UBE3A: variants seen among roughly 807,000 people sequenced by gnomAD.
The protein encoded by UBE3A is ubiquitin protein ligase E3A, also known as ubiquitin-protein ligase E3A.
In UBE3A, 6 loss-of-function variants were observed where a neutral mutation model predicts 83.4. The ratio of observed to expected loss-of-function variants is 0.07; its 90% CI spans 0.04 to 0.14. UBE3A has a LOEUF of 0.14. Ranked by LOEUF, UBE3A falls within the 10% of genes least tolerant of loss-of-function variation. The pLI is 1.00. For synonymous variants in UBE3A, 337 were observed against 355.4 expected (o/e 0.95, Z 0.58); for missense variants, 456 against 1,036.1 (o/e 0.44, Z 7.69).
intron 1 of UBE3A, among the ~76,000 whole-genome samples, chr15:25,431,083 C>T (rs1893314324): frequency 6.6e-6 from 1 of 152,194 alleles, no homozygotes; most frequent in South Asian, 2.1e-4. Context: ...TAATACACTA[C>T]ACTTAAGTGT....
In UBE3A at chr15:25,409,136, G is replaced by A; in HGVS notation, c.-29C>T. ...GTGACATCAGGGTGATCACAGCTTT[G>A]AGTCACTGATTAAAAACAGGTTGTC... On this transcript the variant is annotated 5_prime_UTR_variant, in exon 3 of 13. Coordinates refer to ENST00000648336, the MANE Select transcript of UBE3A (RefSeq NM_130839.5). 6.3e-7 allele frequency: 1 copy of A among 1,593,328 alleles called. No homozygotes were observed.
intron 6 of UBE3A, among the ~76,000 whole-genome samples, chr15:25,364,301 A>G (rs2078659258): frequency 6.6e-6 from 1 of 152,134 alleles, no homozygotes; most frequent in Non-Finnish European, 1.5e-5. Context: ...AAATTTAGCA[A>G]TAACCATTTT....
intron 12 of UBE3A, 125 bp downstream of exon 12, chr15:25,339,960 A>ATGAT (rs1414442341): frequency 7.7e-7 from 1 of 1,293,662 alleles, no homozygotes; most frequent in African/African-American, 1.5e-5. Flanking sequence ...ATTGTCTAAT[A>ATGAT]TGATTTGGGG....
At chr15:25,390,474 A>AT (rs1332737205) in intron 4 of UBE3A, among the ~76,000 whole-genome samples, 5 of 152,208 alleles carry the variant, frequency 3.3e-5, no homozygotes, top group African/African-American at 1.2e-4. Flanking sequence ...CTAACAACCT[A>AT]TGAAAAGACA....
At chr15:25,390,384 G>A (rs745645213) in intron 4 of UBE3A, among the ~76,000 whole-genome samples, 104 of 152,140 alleles carry the variant, frequency 6.8e-4, no homozygotes, top group Non-Finnish European at 1.1e-3. Context: ...GCAAAATGTG[G>A]AAGCAACCAC....
At chr15:25,426,827 A>T (rs1346259218) in intron 1 of UBE3A, among the ~76,000 whole-genome samples, 1 of 147,488 alleles carries the variant, frequency 6.8e-6, no homozygotes, top group East Asian at 2.0e-4. Context: ...GCTGGTTATA[A>T]TTTTTTTTTT....
At chr15:25,389,596 A>C (rs1417309641) in intron 4 of UBE3A, among the ~76,000 whole-genome samples, 1 of 152,212 alleles carries the variant, frequency 6.6e-6, no homozygotes, top group East Asian at 1.9e-4. Flanking sequence ...AGAACTATTA[A>C]CTAAAATGTG....
intron 1 of UBE3A, among the ~76,000 whole-genome samples, chr15:25,430,981 C>T (rs1426411675): frequency 2.0e-5 from 3 of 152,138 alleles, no homozygotes; most frequent in African/African-American, 4.8e-5. Context: ...AAATACAGTA[C>T]ACTGAGCAAT....
rs559467610 is a variant in UBE3A, at chr15:25,436,876, AG to A, written c.-165+1612del. ...GTATAAAGTTAAGCTCCTCAGGGAC[AG>A]GGGCAATGTCCAGAGGATAGTGAGC... On this transcript the variant is annotated intron_variant, in intron 1 of 12. Coordinates refer to ENST00000648336, the MANE Select transcript of UBE3A (RefSeq NM_130839.5). 5.3e-5 allele frequency among the ~76,000 whole-genome samples: 8 copies of A among 152,326 alleles called. No individual in the cohort carries two copies. In the South Asian group the frequency reaches 1.7e-3, roughly 32 times the overall value.
chr15:25,401,894 T>TA (rs980366158), intron 4 of UBE3A, among the ~76,000 whole-genome samples: 1 of 152,230 alleles, frequency 6.6e-6, no homozygotes, highest in Non-Finnish European at 1.5e-5. Flanking sequence ...CAGAATTTGT[T>TA]AAAAAATAAT....
chr15:25,371,139 A>T lies in UBE3A; in HGVS notation c.1035T>A (p.Thr345=). 6.2e-7 allele frequency: 1 copy of T among 1,614,198 alleles called. No homozygotes were observed. The highest frequency in any genetic ancestry group is 8.5e-7 in the Non-Finnish European group (1 of 1,180,032). The change falls in exon 6 of 13, where the codon ACT becomes ACA. Residue 345 remains threonine, a synonymous_variant. Coordinates refer to ENST00000648336, the MANE Select transcript of UBE3A (RefSeq NM_130839.5). The surrounding 1 kb of genome is among the most constrained non-coding windows in gnomAD (Gnocchi z 5.3). ...TAAATTCATTGCTTATGACTTTATAAGTAATAAGTTGCTGAAATGTCTCCA... is the reference window on the plus strand; with the variant it reads ...TAAATTCATTGCTTATGACTTTATATGTAATAAGTTGCTGAAATGTCTCCA... The part of the protein sequence containing the change: ...RMMETFQQLI[T]YKVISNEFNS...
At position 25,337,453 on chromosome 15, in the gene UBE3A, A is replaced by T. The variant is rs2074034726; in HGVS notation, c.*1684T>A. ...CCCATGTTACCTTATCACAATATGGAAAGCATTGTCTTCTTTTTCCACTAA... is the reference window on the plus strand; with the variant it reads ...CCCATGTTACCTTATCACAATATGGTAAGCATTGTCTTCTTTTTCCACTAA... On this transcript the variant is annotated 3_prime_UTR_variant, in exon 13 of 13. Coordinates refer to ENST00000648336, the MANE Select transcript of UBE3A (RefSeq NM_130839.5). The T allele has an allele frequency of 6.6e-6, 1 of 152,132 alleles. No homozygotes were observed. Among genetic ancestry groups the T allele is most frequent in the Non-Finnish European group, 1.5e-5 (1 of 68,010 alleles). The allele number at this position is 152,132 out of a possible 1,614,324, so 9.4% of individuals were successfully genotyped here.
At chr15:25,431,349 T>G (rs1893395522) in intron 1 of UBE3A, among the ~76,000 whole-genome samples, 1 of 152,122 alleles carries the variant, frequency 6.6e-6, no homozygotes, top group Admixed American at 6.5e-5. Context: ...TTTTCTTTTC[T>G]TTTCTTTTCT....
In UBE3A at chr15:25,371,824, G is replaced by A. The variant is rs1315800797; in HGVS notation, c.362-12C>T. ...TAAGTAAGTCACATCTAGAAAATCA[G>A]AGGAAAAAAGAGAACATTTATTTTC... On this transcript the variant is annotated splice_polypyrimidine_tract_variant and intron_variant, in intron 5 of 12. Transcript: ENST00000648336. The surrounding 1 kb of genome is among the most constrained non-coding windows in gnomAD (Gnocchi z 5.3). 6.9e-6 allele frequency: 11 copies of A among 1,597,392 alleles called. No individual in the cohort carries two copies. In the Admixed American group the frequency reaches 6.9e-5, roughly 10 times the overall value.
At chr15:25,341,330 CA>C (rs1435944482) in intron 11 of UBE3A, among the ~76,000 whole-genome samples, 24 of 151,676 alleles carry the variant, frequency 1.6e-4, no homozygotes, top group African/African-American at 5.8e-4. Flanking sequence ...CTTGGCCTCC[CA>C]AAGTGCTGGG....
intron 1 of UBE3A, among the ~76,000 whole-genome samples, chr15:25,431,270 A>G (rs1193643104): frequency 6.6e-6 from 1 of 152,224 alleles, no homozygotes; most frequent in Non-Finnish European, 1.5e-5. Flanking sequence ...ATGAGAATGA[A>G]GCAGCTTAAG....
intron 11 of UBE3A, among the ~76,000 whole-genome samples, chr15:25,348,567 A>G (rs1253256036): frequency 6.6e-6 from 1 of 152,240 alleles, no homozygotes; most frequent in East Asian, 1.9e-4. Flanking sequence ...ATAGCTGTTT[A>G]CTAGAAAACC....
chr15:25,431,946 G>A (rs1476774940), intron 1 of UBE3A, among the ~76,000 whole-genome samples: 1 of 152,106 alleles, frequency 6.6e-6, no homozygotes, highest in African/African-American at 2.4e-5. Flanking sequence ...TAACAAGCTG[G>A]AAATAACCCA....
chr15:25,405,248 C>T (rs1183524289), intron 4 of UBE3A, among the ~76,000 whole-genome samples: 1 of 152,016 alleles, frequency 6.6e-6, no homozygotes, highest in Non-Finnish European at 1.5e-5. Context: ...TAGGCGTGTG[C>T]ATTTATCTAT....
Sources: gnomAD v4.1 joint callset for allele counts (sites outside exome capture counted in the v4.1 genomes callset) on GRCh38, gnomAD v4.1.1 for gene constraint, Gnocchi (gnomAD v3.1) non-coding constraint, MANE v1.5 for transcripts, NCBI Gene and HGNC (gene_info 2026-07-23, HGNC 2026-07-21) for gene names.